Variants in SRGAP2C observed in about 807,000 individuals in gnomAD.
The protein encoded by SRGAP2C is SLIT-ROBO Rho GTPase-activating protein 2C.
Under a neutral mutation model 25.1 loss-of-function variants are expected in SRGAP2C, and 15 were observed. The observed-to-expected ratio is 0.60, with a 90% CI of 0.40 to 0.92. The LOEUF is 0.92. SRGAP2C is among the 40% of genes least tolerant of loss of function. SRGAP2C has a pLI of 0.00. For synonymous variants in SRGAP2C, 44 were observed against 96.6 expected (o/e 0.46, Z 3.19); for missense variants, 144 against 264.4 (o/e 0.54, Z 3.16).
chr1:121,329,201 A>G (rs1241342257), intron 4 of SRGAP2C, among the ~76,000 whole-genome samples: 7 of 151,468 alleles, frequency 4.6e-5, no homozygotes, highest in Non-Finnish European at 1.0e-4. Flanking sequence ...ACAGAGCAAG[A>G]CTTCGTCTCA....
At chr1:121,206,376 G>T (rs1170108395) in intron 2 of SRGAP2C, among the ~76,000 whole-genome samples, 3 of 152,192 alleles carry the variant, frequency 2.0e-5, no homozygotes, top group Non-Finnish European at 4.4e-5. Flanking sequence ...TGGAGCAGAG[G>T]AGTTATAGAC....
rs1485247338 is a variant in SRGAP2C, at chr1:121,301,087, GC to G, written c.260+16093del. On this transcript the variant is annotated intron_variant, in intron 3 of 9. Transcript: ENST00000367123. The stretch of plus-strand genomic sequence containing the variant: ...AACAGAGGTGAGTGATGAGAATATG[GC>G]TTATGAAGACTTCAGTGCTGCCTCT... 7.2e-4 allele frequency among the ~76,000 whole-genome samples: 62 copies of G among 85,960 alleles called. 3 individuals are homozygous for G. Among genetic ancestry groups the G allele is most frequent in the Non-Finnish European group, 1.3e-3 (55 of 42,714 alleles). 56.4% of individuals were successfully genotyped at this position (85,960 alleles called of 152,430 possible).
intron 2 of SRGAP2C, among the ~76,000 whole-genome samples, chr1:121,281,227 G>A (rs1233017110): frequency 2.0e-5 from 3 of 150,906 alleles, no homozygotes; most frequent in East Asian, 1.9e-4. Flanking sequence ...GGAGCTGTAC[G>A]CCTAAGAGTG....
intron 2 of SRGAP2C, among the ~76,000 whole-genome samples, chr1:121,202,542 C>T (rs879977874): frequency 1.4e-5 from 2 of 147,614 alleles, no homozygotes; most frequent in East Asian, 2.0e-4. Context: ...GATTCTCCTG[C>T]CTCAGCCTCC....
At chr1:121,217,233 G>T (rs781998747) in intron 2 of SRGAP2C, among the ~76,000 whole-genome samples, 240 of 151,528 alleles carry the variant, frequency 1.6e-3, no homozygotes, top group Non-Finnish European at 2.9e-3. Flanking sequence ...TCTCATTGAG[G>T]ATCCCATCAG....
In SRGAP2C at chr1:121,185,011, C is replaced by T. The variant is rs1282060333; in HGVS notation, c.-656C>T. On this transcript the variant is annotated 5_prime_UTR_variant, in exon 1 of 10. Transcript: ENST00000367123. ...GAGTTGGCGGAGGCGGCGGAGGCTCCTCCAGGGACTGGGGCACCGATCTGC... is the reference window on the plus strand; with the variant it reads ...GAGTTGGCGGAGGCGGCGGAGGCTCTTCCAGGGACTGGGGCACCGATCTGC... The T allele has an allele frequency of 9.7e-6, 5 of 516,754 alleles. No individual in the cohort carries two copies. Among genetic ancestry groups the T allele is most frequent in the African/African-American group, 6.3e-5 (3 of 47,954 alleles). The allele number at this position is 516,754 out of a possible 1,614,324, so 32.0% of individuals were successfully genotyped here.
At chr1:121,293,952 C>G (rs1296891075) in intron 3 of SRGAP2C, among the ~76,000 whole-genome samples, 1 of 94,446 alleles carries the variant, frequency 1.1e-5, no homozygotes, top group Non-Finnish European at 2.1e-5. Flanking sequence ...CTTTCTTACC[C>G]TGGCTGGGTT....
chr1:121,222,710 G>A (rs1455843965), intron 2 of SRGAP2C, among the ~76,000 whole-genome samples: 1 of 152,216 alleles, frequency 6.6e-6, no homozygotes, highest in Non-Finnish European at 1.5e-5. Context: ...AACTGTGGGT[G>A]TTCATAGTTA....
At chr1:121,313,935 T>C (rs1177224464) in intron 3 of SRGAP2C, among the ~76,000 whole-genome samples, 2 of 142,958 alleles carry the variant, frequency 1.4e-5, no homozygotes, top group Non-Finnish European at 3.0e-5. Context: ...AGTATCTTTG[T>C]GGCATTCTCT....
At chr1:121,329,075 A>G (rs1658380028) in intron 4 of SRGAP2C, among the ~76,000 whole-genome samples, 1 of 138,578 alleles carries the variant, frequency 7.2e-6, no homozygotes, top group Non-Finnish European at 1.6e-5. Context: ...GCCAGGCAAG[A>G]TGGCCAGTGC....
chr1:121,266,171 C>A (rs1191572632), intron 2 of SRGAP2C, among the ~76,000 whole-genome samples: 1 of 150,578 alleles, frequency 6.6e-6, no homozygotes. Flanking sequence ...GATGGGGTTT[C>A]GCCATGTTGG....
At chr1:121,272,286 CA>C (rs1553335392) in intron 2 of SRGAP2C, among the ~76,000 whole-genome samples, 1 of 149,784 alleles carries the variant, frequency 6.7e-6, no homozygotes, top group Non-Finnish European at 1.5e-5. Flanking sequence ...CTGTTATTAA[CA>C]AAATTTTACA....
chr1:121,378,388 T>A (rs1301537798), intron 7 of SRGAP2C, among the ~76,000 whole-genome samples: 1 of 135,548 alleles, frequency 7.4e-6, no homozygotes, highest in Non-Finnish European at 1.6e-5. Context: ...TCCCAGCCAA[T>A]CCCCCACCCC....
chr1:121,268,898 CATAGA>C (rs1456679240), intron 2 of SRGAP2C, among the ~76,000 whole-genome samples: 3 of 59,134 alleles, frequency 5.1e-5, no homozygotes, highest in African/African-American at 1.4e-4. Context: ...AATCACCAGA[CATAGA>C]ATGGAATGGG....
intron 2 of SRGAP2C, among the ~76,000 whole-genome samples, chr1:121,275,111 G>T (rs1253929282): frequency 7.2e-6 from 1 of 139,326 alleles, no homozygotes; most frequent in Non-Finnish European, 1.6e-5. Flanking sequence ...ATGTAGTCTG[G>T]GACCATTATT....
At chr1:121,192,300 A>T (rs1424451181) in intron 2 of SRGAP2C, among the ~76,000 whole-genome samples, 7 of 152,036 alleles carry the variant, frequency 4.6e-5, no homozygotes, top group Non-Finnish European at 8.8e-5. Flanking sequence ...GCAGTAAAAC[A>T]TTTAGTTGGA....
At chr1:121,216,132 C>T (rs1320600727) in intron 2 of SRGAP2C, among the ~76,000 whole-genome samples, 1 of 152,198 alleles carries the variant, frequency 6.6e-6, no homozygotes, top group Non-Finnish European at 1.5e-5. Context: ...CACAGTGCTG[C>T]ATGGCTGACT....
chr1:121,384,759 T>A (rs1659919491), intron 8 of SRGAP2C, among the ~76,000 whole-genome samples: 1 of 150,878 alleles, frequency 6.6e-6, no homozygotes, highest in Non-Finnish European at 1.5e-5. Flanking sequence ...GAGCCTTATT[T>A]CCATACTCCG....
intron 2 of SRGAP2C, among the ~76,000 whole-genome samples, chr1:121,243,776 GT>G (rs1389936724): frequency 7.9e-6 from 1 of 126,944 alleles, no homozygotes; most frequent in Non-Finnish European, 1.7e-5. Flanking sequence ...ACCATGCAGT[GT>G]TTTTGTTTTT....
Sources: allele counts gnomAD v4.1 joint callset (sites outside exome capture counted in the v4.1 genomes callset), GRCh38; gene constraint gnomAD v4.1.1; transcripts MANE v1.5; gene names NCBI Gene and HGNC (gene_info 2026-07-23, HGNC 2026-07-21).